STPG2: variants seen among roughly 807,000 people sequenced by gnomAD.
The protein encoded by STPG2 is sperm-tail PG-rich repeat-containing protein 2.
Under a neutral mutation model 54.2 loss-of-function variants are expected in STPG2, and 56 were observed. The observed-to-expected ratio is 1.03, with a 90% CI of 0.83 to 1.29. The LOEUF is 1.29. Among genes scored for constraint, STPG2 ranks in the 50% most tolerant of loss-of-function variants. The pLI, the probability that STPG2 is intolerant of heterozygous loss-of-function variation, is 0.00. For synonymous variants in STPG2, 200 were observed against 181.8 expected (o/e 1.10, Z -0.81); for missense variants, 596 against 544.9 (o/e 1.09, Z -0.93).
At chr4:97,992,253 T>C (rs927976548) in intron 5 of STPG2, among the ~76,000 whole-genome samples, 1 of 152,230 alleles carries the variant, frequency 6.6e-6, no homozygotes, top group Admixed American at 6.5e-5. Flanking sequence ...AAGTCTTTGA[T>C]GAATCTTGAG....
At chr4:97,536,791 G>A (rs551675721) in intron 4 of STPG2, among the ~76,000 whole-genome samples, 2 of 152,108 alleles carry the variant, frequency 1.3e-5, no homozygotes, top group Non-Finnish European at 2.9e-5. Flanking sequence ...AATCTAAAGG[G>A]TGCTCCATCA....
At chr4:97,859,396 A>G (rs1729439125) in intron 8 of STPG2, among the ~76,000 whole-genome samples, 1 of 151,310 alleles carries the variant, frequency 6.6e-6, no homozygotes. Context: ...GCTGTGTATA[A>G]ATTTTTAGTT....
At chr4:97,977,884 G>C (rs1734547187) in intron 6 of STPG2, among the ~76,000 whole-genome samples, 1 of 152,236 alleles carries the variant, frequency 6.6e-6, no homozygotes, top group Non-Finnish European at 1.5e-5. Flanking sequence ...GAGACTGCTG[G>C]TGATGACTTG....
At chr4:97,759,883 A>G (rs1216638191) in intron 9 of STPG2, among the ~76,000 whole-genome samples, 1 of 152,136 alleles carries the variant, frequency 6.6e-6, no homozygotes, top group African/African-American at 2.4e-5. Context: ...GAGCTTCCTA[A>G]CTATTAATCT....
chr4:97,460,948 T>C (rs1354795368), intron 4 of STPG2, among the ~76,000 whole-genome samples: 1 of 152,230 alleles, frequency 6.6e-6, no homozygotes, highest in Non-Finnish European at 1.5e-5. Context: ...CATATAACAT[T>C]CATGCTCAGT....
At chr4:97,494,362 A>G (rs1730563568) in intron 4 of STPG2, among the ~76,000 whole-genome samples, 1 of 151,560 alleles carries the variant, frequency 6.6e-6, no homozygotes, top group Admixed American at 6.6e-5. Context: ...ACAACAAAGA[A>G]GCAATCCAGG....
At chr4:98,105,723 T>C (rs1371865440) in intron 5 of STPG2, among the ~76,000 whole-genome samples, 1 of 152,074 alleles carries the variant, frequency 6.6e-6, no homozygotes, top group East Asian at 1.9e-4. Context: ...TTTCTTGCAT[T>C]TAAATCATTT....
intron 5 of STPG2, among the ~76,000 whole-genome samples, chr4:98,008,306 A>T (rs1353326153): frequency 1.8e-5 from 1 of 55,414 alleles, no homozygotes; most frequent in African/African-American, 8.1e-5. Context: ...TCTGAAATTA[A>T]AAAAAAAAGC....
chr4:98,039,653 T>A (rs72882693), intron 5 of STPG2, among the ~76,000 whole-genome samples: 59,051 of 150,448 alleles, frequency 0.39, 11,847 homozygotes, highest in Middle Eastern at 0.45. Flanking sequence ...CAAAACTGCC[T>A]TTGCACCCCT....
At chr4:97,754,577 C>A (rs970586300) in intron 9 of STPG2, among the ~76,000 whole-genome samples, 1 of 151,834 alleles carries the variant, frequency 6.6e-6, no homozygotes, top group Non-Finnish European at 1.5e-5. Context: ...AGTCTGAATC[C>A]CCATACTCAG....
chr4:97,580,536 CTCTG>C (rs1168701149), intron 10 of STPG2, among the ~76,000 whole-genome samples: 1 of 151,814 alleles, frequency 6.6e-6, no homozygotes. Context: ...GTCTCTCTGT[CTCTG>C]TCTCTCTGTC....
At chr4:98,042,005 C>G (rs1736975812) in intron 5 of STPG2, among the ~76,000 whole-genome samples, 1 of 151,870 alleles carries the variant, frequency 6.6e-6, no homozygotes, top group Non-Finnish European at 1.5e-5. Flanking sequence ...CTGATTCAAT[C>G]TCACTACTTG....
At chr4:98,123,157 T>C (rs1025221188) in intron 3 of STPG2, among the ~76,000 whole-genome samples, 1 of 152,158 alleles carries the variant, frequency 6.6e-6, no homozygotes, top group Non-Finnish European at 1.5e-5. Flanking sequence ...CTGGGTTCAT[T>C]GATTTTTTGA....
At chr4:97,627,384 T>C (rs1578434893) in intron 10 of STPG2, among the ~76,000 whole-genome samples, 1 of 152,142 alleles carries the variant, frequency 6.6e-6, no homozygotes, top group African/African-American at 2.4e-5. Context: ...TAGTAAAGCA[T>C]TGGGTGTTAC....
intron 1 of STPG2, among the ~76,000 whole-genome samples, chr4:98,141,426 T>A (rs758372862): frequency 2.6e-5 from 4 of 152,206 alleles, no homozygotes; most frequent in Non-Finnish European, 5.9e-5. Flanking sequence ...CTCTGAAGTC[T>A]GCTATCTGAG....
intron 6 of STPG2, among the ~76,000 whole-genome samples, chr4:97,977,440 T>C (rs1301101940): frequency 6.6e-6 from 1 of 152,226 alleles, no homozygotes; most frequent in East Asian, 1.9e-4. Context: ...CTTGAATAGC[T>C]ATTCTAGCCT....
At chr4:97,603,618 C>T (rs1277782681) in intron 10 of STPG2, among the ~76,000 whole-genome samples, 1 of 151,206 alleles carries the variant, frequency 6.6e-6, no homozygotes, top group Non-Finnish European at 1.5e-5. Context: ...TATACACACA[C>T]ATATATATAT....
intron 5 of STPG2, among the ~76,000 whole-genome samples, chr4:98,072,960 G>A (rs1309315819): frequency 2.0e-5 from 3 of 152,046 alleles, no homozygotes; most frequent in Admixed American, 1.3e-4. Context: ...CATTTGTAAC[G>A]TGTACAATAA....
At chr4:97,569,201 C>T (rs1732535464) in intron 10 of STPG2, among the ~76,000 whole-genome samples, 1 of 152,056 alleles carries the variant, frequency 6.6e-6, no homozygotes, top group Admixed American at 6.6e-5. Context: ...GAAGTTTTCT[C>T]CCCTTTTAAG....
Sources: gnomAD v4.1 joint callset for allele counts (sites outside exome capture counted in the v4.1 genomes callset) on GRCh38, gnomAD v4.1.1 for gene constraint, MANE v1.5 for transcripts, NCBI Gene and HGNC (gene_info 2026-07-23, HGNC 2026-07-21) for gene names.